The following DIAPH2 variants were observed in gnomAD, a reference collection of about 807,000 sequenced individuals.
The protein encoded by DIAPH2 is protein diaphanous homolog 2.
Under a neutral mutation model 92.7 loss-of-function variants are expected in DIAPH2, and 35 were observed. The ratio of observed to expected loss-of-function variants is 0.38; its 90% CI spans 0.29 to 0.50. DIAPH2 has a LOEUF of 0.50. Ranked by LOEUF, DIAPH2 falls within the 20% of genes least tolerant of loss-of-function variation. The probability of loss-of-function intolerance (pLI) is 0.94; values close to 1 mark genes in which losing one functional copy is unlikely to be tolerated. For synonymous variants in DIAPH2, 301 were observed against 280.4 expected, an observed-to-expected ratio of 1.07 and a Z score of -0.73; for missense variants, 701 against 819.5, an observed-to-expected ratio of 0.86 and a Z score of 1.77.
chrX:97,207,404 C>T (rs972886790), intron 22 of DIAPH2, among the ~76,000 whole-genome samples: 8 of 111,637 alleles, frequency 7.2e-5, no homozygotes, highest in African/African-American at 9.8e-5. Context: ...CAACAGTAAT[C>T]GCAAGAATGG....
chrX:97,583,167 C>G (rs1178774282), intron 26 of DIAPH2, among the ~76,000 whole-genome samples: 1 of 112,156 alleles, frequency 8.9e-6, no homozygotes, highest in African/African-American at 3.2e-5. Context: ...GTCTTCTTCT[C>G]TCAGCTCGTC....
intron 17 of DIAPH2, among the ~76,000 whole-genome samples, chrX:97,044,323 A>G (rs919079736): frequency 5.4e-5 from 6 of 111,224 alleles, no homozygotes; most frequent in Non-Finnish European, 7.6e-5. Flanking sequence ...TTGCTTGTTA[A>G]CATAGCTATT....
At chrX:96,814,791 A>G (rs1030428166) in intron 4 of DIAPH2, among the ~76,000 whole-genome samples, 3 of 111,544 alleles carry the variant, frequency 2.7e-5, no homozygotes, top group Non-Finnish European at 5.6e-5. Flanking sequence ...GGTCCCTCAG[A>G]TGCAGGTCTG....
intron 5 of DIAPH2, among the ~76,000 whole-genome samples, chrX:96,902,576 C>A (rs184780690): frequency 9.0e-6 from 1 of 110,793 alleles, no homozygotes; most frequent in African/African-American, 3.3e-5. Context: ...GTAATTCCTG[C>A]GTTAATTACT....
intron 26 of DIAPH2, among the ~76,000 whole-genome samples, chrX:97,435,723 G>C (rs2070176498): frequency 9.0e-6 from 1 of 110,628 alleles, no homozygotes; most frequent in Non-Finnish European, 1.9e-5. Flanking sequence ...GTAATTGTAA[G>C]ATCAAAGATA....
In DIAPH2 at chrX:96,721,914, A is replaced by G. The variant is rs188619805; in HGVS notation, c.133-13844A>G. ...CAGAGAACTAAAAACAATGCCTGGCACATAGAAGGTGCTCAGTGAATCATA... is the reference window on the plus strand; with the variant it reads ...CAGAGAACTAAAAACAATGCCTGGCGCATAGAAGGTGCTCAGTGAATCATA... On this transcript the variant is annotated intron_variant, in intron 1 of 26. Coordinates refer to ENST00000324765, the MANE Select transcript of DIAPH2 (RefSeq NM_006729.5). Among the ~76,000 whole-genome samples, 284 of 112,572 alleles carry G rather than the reference A, an allele frequency of 2.5e-3. 1 individual carries two copies. The highest frequency in any genetic ancestry group is 8.8e-3 in the African/African-American group (272 of 30,997).
intron 17 of DIAPH2, among the ~76,000 whole-genome samples, chrX:97,049,513 A>G (rs1169491696): frequency 9.0e-6 from 1 of 111,378 alleles, no homozygotes; most frequent in African/African-American, 3.2e-5. Flanking sequence ...TTATATTTTC[A>G]ACTTTAAAAA....
At chrX:97,075,314 ATTCTC>A (rs1349361983) in intron 19 of DIAPH2, 53 bp downstream of exon 19, 49 of 774,933 alleles carry the variant, frequency 6.3e-5, no homozygotes, top group Admixed American at 5.8e-4. Context: ...TTTTTGGACT[ATTCTC>A]TTCTCAATGG....
At chrX:97,194,580 G>A (rs1475916279) in intron 22 of DIAPH2, among the ~76,000 whole-genome samples, 4 of 111,357 alleles carry the variant, frequency 3.6e-5, no homozygotes, top group South Asian at 3.8e-4. Context: ...CACTGCACCC[G>A]GCCCCTAGAA....
intron 1 of DIAPH2, among the ~76,000 whole-genome samples, chrX:96,713,211 A>G (rs1432904743): frequency 8.9e-6 from 1 of 111,895 alleles, no homozygotes; most frequent in Non-Finnish European, 1.9e-5. Context: ...TTTTTAAAAA[A>G]TTTCCTTTAT....
intron 3 of DIAPH2, among the ~76,000 whole-genome samples, chrX:96,743,100 T>A (rs5949452): frequency 0.22 from 24,367 of 111,936 alleles, 1,991 homozygotes; most frequent in East Asian, 0.32. Flanking sequence ...TGATTTTTTT[T>A]AAAAAAGGAT....
At chrX:97,343,627 C>A (rs1265166973) in intron 23 of DIAPH2, among the ~76,000 whole-genome samples, 1 of 109,136 alleles carries the variant, frequency 9.2e-6, no homozygotes, top group African/African-American at 3.4e-5. Flanking sequence ...TGAGATCATG[C>A]CACTACACTC....
chrX:97,195,707 T>C (rs2067697072), intron 22 of DIAPH2, among the ~76,000 whole-genome samples: 1 of 98,625 alleles, frequency 1.0e-5, no homozygotes, highest in Non-Finnish European at 2.1e-5. Context: ...AAATGGAAAG[T>C]AATACAAAAA....
At chrX:97,358,640 GT>G (rs1276625513) in intron 24 of DIAPH2, among the ~76,000 whole-genome samples, 1 of 110,584 alleles carries the variant, frequency 9.0e-6, no homozygotes, top group Non-Finnish European at 1.9e-5. Context: ...TCACTGTATT[GT>G]TACAGTTACT....
intron 17 of DIAPH2, among the ~76,000 whole-genome samples, chrX:96,992,160 G>A (rs999529929): frequency 2.7e-5 from 3 of 110,788 alleles, no homozygotes; most frequent in Non-Finnish European, 5.7e-5. Context: ...GAATATCCTT[G>A]ATATGCATAC....
rs147031839 is a variant in DIAPH2, at chrX:97,282,756, A to T, written c.2844+34917A>T. 5.9e-3 allele frequency among the ~76,000 whole-genome samples: 663 copies of T among 112,099 alleles called. 2 individuals carry two copies. The highest frequency in any genetic ancestry group is 0.02 in the African/African-American group (627 of 30,922). On this transcript the variant is annotated intron_variant, in intron 23 of 26. Coordinates refer to ENST00000324765, the MANE Select transcript of DIAPH2 (RefSeq NM_006729.5). ...TTTGACAATTTCTACCTGAGGCATG[A>T]TGTAACTAAAATTTCTAACATGATA... is the stretch of plus-strand genomic sequence containing the variant.
intron 23 of DIAPH2, among the ~76,000 whole-genome samples, chrX:97,317,318 T>C (rs185835675): frequency 3.4e-4 from 38 of 112,014 alleles, no homozygotes; most frequent in African/African-American, 1.2e-3. Context: ...TTTAAGGATG[T>C]TTTTAAATAA....
chrX:96,744,080 T>G (rs2147577400), intron 3 of DIAPH2, among the ~76,000 whole-genome samples: 1 of 112,450 alleles, frequency 8.9e-6, no homozygotes, highest in East Asian at 2.8e-4. Flanking sequence ...AAAGTTAAAC[T>G]GAAAACTTTA....
intron 4 of DIAPH2, among the ~76,000 whole-genome samples, chrX:96,841,514 A>G (rs1243346769): frequency 8.9e-6 from 1 of 111,896 alleles, no homozygotes; most frequent in Non-Finnish European, 1.9e-5. Flanking sequence ...ATGCCTTGAA[A>G]GTGCATCCAG....
Sources: allele counts gnomAD v4.1 joint callset (sites outside exome capture counted in the v4.1 genomes callset), GRCh38; gene constraint gnomAD v4.1.1; transcripts MANE v1.5; gene names NCBI Gene and HGNC (gene_info 2026-07-23, HGNC 2026-07-21).